Variants in FBXO27 observed in about 807,000 individuals in gnomAD.
FBXO27 encodes the protein F-box only protein 27.
Under a neutral mutation model 28.3 loss-of-function variants are expected in FBXO27, and 28 were observed. The ratio of observed to expected loss-of-function variants is 0.99; its 90% confidence interval spans 0.73 to 1.36. The LOEUF (loss-of-function observed/expected upper bound fraction) is 1.36, where lower values mean the gene tolerates loss of function less well. Among genes scored for constraint, FBXO27 ranks in the 40% most tolerant of loss-of-function variants. The pLI, the probability that FBXO27 is intolerant of heterozygous loss-of-function variation, is 0.00. For synonymous variants in FBXO27, 175 were observed against 167.3 expected, an observed-to-expected ratio of 1.05 and a Z score of -0.36; for missense variants, 388 against 394.1, an observed-to-expected ratio of 0.98 and a Z score of 0.13.
intron 2 of FBXO27, among the ~76,000 whole-genome samples, chr19:39,010,030 G>A (rs537585543): frequency 1.3e-5 from 2 of 151,978 alleles, no homozygotes; most frequent in South Asian, 4.2e-4. Context: ...GACTTGTCTC[G>A]AACTCCTGGA....
At position 39,025,001 on chromosome 19, in the gene FBXO27, C is replaced by T. The variant is rs186382024; in HGVS notation, c.*410G>A. ...TTCCCTGAAGGGACCAAGGAAGTCC[C>T]TGTGGCAGAAACAACAGGAGACAAG... On this transcript the variant is annotated 3_prime_UTR_variant, in exon 6 of 6. Transcript: ENST00000292853. The T allele has an allele frequency of 1.2e-3, 200 of 168,474 alleles. 1 individual carries two copies. The highest frequency in any genetic ancestry group is 4.5e-3 in the African/African-American group (188 of 41,970). 10.4% of individuals were successfully genotyped at this position (168,474 alleles called of 1,614,324 possible). A position where few individuals can be genotyped will look rare whatever the true frequency, so the allele number is the denominator to read the frequency against.
chr19:39,009,427 C>T (rs2072784289), intron 2 of FBXO27, among the ~76,000 whole-genome samples: 3 of 152,176 alleles, frequency 2.0e-5, no homozygotes, highest in Non-Finnish European at 4.4e-5. Context: ...TGAGGATAAT[C>T]TCCATATCAT....
chr19:39,019,735 TTTTG>T (rs2072836800), downstream of FBXO27, among the ~76,000 whole-genome samples: 1 of 150,812 alleles, frequency 6.6e-6, no homozygotes, highest in Admixed American at 6.6e-5. Context: ...AAAGAGGGTT[TTTTG>T]TTTGTTTGTT....
rs573319837 is a variant in FBXO27 at position 39,025,177 on chromosome 19, A to G, written c.*234T>C. 6 of 536,184 alleles carry G rather than the reference A, an allele frequency of 1.1e-5. No homozygotes were observed. The highest frequency in any genetic ancestry group is 5.4e-5 in the South Asian group (2 of 37,070). The allele number at this position is 536,184 out of a possible 1,614,324, so 33.2% of individuals were successfully genotyped here. A position where few individuals can be genotyped will look rare whatever the true frequency, so the allele number is the denominator to read the frequency against. On this transcript the variant is annotated 3_prime_UTR_variant, in exon 6 of 6. Transcript: ENST00000292853. ...TCACTTGTGGGTTTCCCCTCAGTAC[A>G]GTAGGGCCCCCCCGCAAAGCAGCAG...
chr19:39,017,676 AT>A (rs1372496545), intron 1 of FBXO27, among the ~76,000 whole-genome samples: 4 of 151,736 alleles, frequency 2.6e-5, no homozygotes, highest in Admixed American at 2.0e-4. Flanking sequence ...AAAAAAAAAA[AT>A]CATACATCTA....
chr19:39,015,269 T>A (rs1200109474), intron 1 of FBXO27, among the ~76,000 whole-genome samples: 25 of 126,596 alleles, frequency 2.0e-4, no homozygotes, highest in African/African-American at 3.1e-5. Flanking sequence ...CAGTGAGCCA[T>A]GATCACACCA....
chr19:39,029,709 C>T (rs1341433041), intron 4 of FBXO27, among the ~76,000 whole-genome samples: 1 of 152,094 alleles, frequency 6.6e-6, no homozygotes, highest in Non-Finnish European at 1.5e-5. Flanking sequence ...GGTCATATAT[C>T]CCCTGGAAAG....
At chr19:39,008,351 C>T (rs1446884627) in intron 2 of FBXO27, among the ~76,000 whole-genome samples, 4 of 152,008 alleles carry the variant, frequency 2.6e-5, no homozygotes, top group Admixed American at 6.6e-5. Flanking sequence ...CTCCTGGGCT[C>T]AAGCGATCCT....
chr19:39,025,647 G>T, intron 5 of FBXO27, 93 bp from the exon 6 acceptor site: 2 of 1,446,312 alleles, frequency 1.4e-6, no homozygotes, highest in Non-Finnish European at 1.8e-6. Flanking sequence ...ATTTTCCAAG[G>T]ATGGCTATAA....
chr19:39,009,130 T>C (rs754943415), intron 2 of FBXO27, among the ~76,000 whole-genome samples: 7 of 152,246 alleles, frequency 4.6e-5, no homozygotes, highest in Non-Finnish European at 1.0e-4. Flanking sequence ...CCTATTCCTT[T>C]TTATGATGGA....
At chr19:39,020,047 G>A (rs1391993164), downstream of FBXO27, among the ~76,000 whole-genome samples, 1 of 151,910 alleles carries the variant, frequency 6.6e-6, no homozygotes, top group Non-Finnish European at 1.5e-5. Flanking sequence ...GCCACACCTC[G>A]CCTGGTCATG....
intron 1 of FBXO27, among the ~76,000 whole-genome samples, chr19:39,016,110 G>C (rs1410508262): frequency 6.6e-6 from 1 of 152,114 alleles, no homozygotes; most frequent in Non-Finnish European, 1.5e-5. Context: ...AAGACCAGTG[G>C]TCCTCTGGGG....
At chr19:39,015,588 T>A (rs1397318758) in intron 1 of FBXO27, among the ~76,000 whole-genome samples, 1 of 152,016 alleles carries the variant, frequency 6.6e-6, no homozygotes, top group Non-Finnish European at 1.5e-5. Context: ...GGTCTGATCA[T>A]GCTACTGCAC....
downstream of FBXO27, among the ~76,000 whole-genome samples, chr19:39,023,612 CTT>C (rs10711556): frequency 1.2e-3 from 178 of 146,556 alleles, no homozygotes; most frequent in Non-Finnish European, 1.1e-3. Context: ...GACCTATTGT[CTT>C]TTTTTTTTTT....
chr19:39,006,848 G>A (rs1266612777), intron 2 of FBXO27, among the ~76,000 whole-genome samples: 1 of 151,834 alleles, frequency 6.6e-6, no homozygotes. Context: ...GGAGGGTAAG[G>A]CGGGAAGATC....
chr19:39,026,511 G>T (rs549480835), intron 5 of FBXO27, among the ~76,000 whole-genome samples: 1 of 152,038 alleles, frequency 6.6e-6, no homozygotes, highest in South Asian at 2.1e-4. Context: ...GTCTCGCCCC[G>T]TCACCCAGGC....
rs530286564 is a variant in FBXO27 at position 39,015,752 on chromosome 19, A to G, written c.92-1205T>C. ...ATTCCATCAATATGACATTCTGGAA[A>G]AGGCAAAACTATGGAGTCAATATAA... On this transcript the variant is annotated intron_variant, in intron 1 of 2. Transcript: ENST00000598394. Among the ~76,000 whole-genome samples, 6 of 152,082 alleles carry G rather than the reference A, an allele frequency of 3.9e-5. No individual in the cohort carries two copies. In the South Asian group the frequency reaches 6.2e-4, roughly 16 times the overall value.
chr19:39,018,847 T>C (rs568119119), intron 1 of FBXO27, among the ~76,000 whole-genome samples: 1 of 148,902 alleles, frequency 6.7e-6, no homozygotes, highest in South Asian at 2.1e-4. Context: ...GGTGGGTGGA[T>C]CACTTGAGGC....
chr19:39,012,462 G>C (rs544282733), intron 2 of FBXO27, among the ~76,000 whole-genome samples: 1 of 152,176 alleles, frequency 6.6e-6, no homozygotes, highest in East Asian at 1.9e-4. Flanking sequence ...GGGATTACAG[G>C]CGTGAGCCAC....
Sources: allele counts gnomAD v4.1 joint callset (sites outside exome capture counted in the v4.1 genomes callset), GRCh38; gene constraint gnomAD v4.1.1; transcripts MANE v1.5; gene names NCBI Gene and HGNC (gene_info 2026-07-23, HGNC 2026-07-21).